MGA: variants seen among roughly 807,000 people sequenced by gnomAD.
MGA encodes MAX gene-associated protein.
MGA carries 40 observed loss-of-function variants against 261.1 expected under a neutral mutation model. That is an observed-to-expected ratio of 0.15 (90% CI 0.12 to 0.20). MGA has a LOEUF of 0.20. Ranked by LOEUF, MGA falls within the 10% of genes least tolerant of loss-of-function variation. MGA has a pLI of 1.00. For synonymous variants in MGA, 1,302 were observed against 1,290.6 expected (o/e 1.01, Z -0.19); for missense variants, 3,397 against 3,630.5 (o/e 0.94, Z 1.65).
In MGA at chr15:41,709,891, G is replaced by A. The variant is rs1267966761; in HGVS notation, c.2426-800G>A. Among the ~76,000 whole-genome samples, 4 of 148,988 alleles carry A rather than the reference G, an allele frequency of 2.7e-5. No homozygotes were observed. In the East Asian group the frequency reaches 5.9e-4, roughly 22 times the overall value. On this transcript the variant is annotated intron_variant, in intron 7 of 23. Coordinates refer to ENST00000219905, the MANE Select transcript of MGA (RefSeq NM_001164273.2). ...AGCTGGAGTGCAGTGGCGTGATCTCGGCTCACCGCAACCTCCCCGTCTCGG... is the reference window on the plus strand; with the variant it reads ...AGCTGGAGTGCAGTGGCGTGATCTCAGCTCACCGCAACCTCCCCGTCTCGG...
At chr15:41,702,494 T>C (rs1466058567) in intron 5 of MGA, among the ~76,000 whole-genome samples, 1 of 152,258 alleles carries the variant, frequency 6.6e-6, no homozygotes, top group Non-Finnish European at 1.5e-5. Context: ...TTCAACTTAA[T>C]GTCATATTTC....
intron 1 of MGA, among the ~76,000 whole-genome samples, chr15:41,650,218 C>T (rs765370858): frequency 2.6e-5 from 4 of 152,102 alleles, no homozygotes; most frequent in African/African-American, 4.8e-5. Context: ...CTTTGCGTTC[C>T]AGGATATGTA....
At chr15:41,662,231 T>G (rs958649279) in intron 1 of MGA, among the ~76,000 whole-genome samples, 2 of 152,212 alleles carry the variant, frequency 1.3e-5, no homozygotes, top group African/African-American at 4.8e-5. Context: ...CTTGGCATAC[T>G]TACTTCAAGT....
rs758543910 is a variant in MGA at position 41,748,763 on chromosome 15, C to T, written c.5339C>T (p.Thr1780Ile). 5 of 1,613,820 alleles carry T rather than the reference C, an allele frequency of 3.1e-6. No individual in the cohort carries two copies. Among genetic ancestry groups the T allele is most frequent in the Non-Finnish European group, 3.4e-6 (4 of 1,179,898 alleles). The change falls in exon 16 of 24, where the codon ACA (threonine) becomes ATA (isoleucine). Residue 1780 changes from threonine (T) to isoleucine (I), a missense_variant. By Grantham distance (89) the Thr-to-Ile change is moderately conservative. This residue lies in a region of MGA where 1,410 missense variants were observed against 1,386.4 expected (regional missense o/e 1.02). Transcript: ENST00000219905. ...CCTACTCTTAGACCTGTCTCAAACACACAACTTCAGGGACATCGGATGGTC... is the reference window on the plus strand; with the variant it reads ...CCTACTCTTAGACCTGTCTCAAACATACAACTTCAGGGACATCGGATGGTC...
In MGA at chr15:41,734,585, A is replaced by G; in HGVS notation, c.3907A>G (p.Lys1303Glu). 1 of 1,597,272 alleles carries G rather than the reference A, an allele frequency of 6.3e-7. No homozygotes were observed. The highest frequency in any genetic ancestry group is 8.6e-7 in the Non-Finnish European group (1 of 1,168,922). ...CTGTGACTTGGAGGATGATTCTGAT[A>G]AATTACAAGGTCAGAATGAAAACTA... Residue 1303 changes from lysine (K) to glutamate (E), a missense_variant, in exon 12 of 24, where the codon AAA becomes GAA. Physicochemically the swap from Lys to Glu is moderately conservative, Grantham distance 56 (BLOSUM62 1). Transcript: ENST00000219905.
chr15:41,718,481 A>T (rs1483709470), intron 9 of MGA: 1 of 711,832 alleles, frequency 1.4e-6, no homozygotes, highest in Non-Finnish European at 2.5e-6. Flanking sequence ...GTGAGTCCAC[A>T]GCTTTCTGAT....
chr15:41,750,163 T>C lies in MGA; in HGVS notation c.6556T>C (p.Cys2186Arg). 8 of 1,613,864 alleles carry C rather than the reference T, an allele frequency of 5.0e-6. No homozygotes were observed. The highest frequency in any genetic ancestry group is 6.8e-6 in the Non-Finnish European group (8 of 1,179,868). ...TCTGAAGGGCCCCTTAACCAGGAAA[T>C]GTGTTGGAGCTTCACAGGAATGTAA... Residue 2186 changes from cysteine (C) to arginine (R), a missense_variant, in exon 17 of 24, where the codon TGT (cysteine) becomes CGT (arginine). By Grantham distance (180) the Cys-to-Arg change is radical. Around this residue, in one of 9 missense-constraint regions of MGA, gnomAD observed 1,410 missense variants for 1,386.4 expected, o/e 1.02. Transcript: ENST00000219905.
chr15:41,743,073 G>T lies in MGA; in HGVS notation c.5113G>T (p.Ala1705Ser), dbSNP rs1395166796. The change falls in exon 15 of 24, where the codon GCA becomes TCA. Residue 1705 changes from alanine (A) to serine (S), a missense_variant. By Grantham distance (99) the Ala-to-Ser change is moderately conservative. Around this residue, in one of 9 missense-constraint regions of MGA, gnomAD observed 1,410 missense variants for 1,386.4 expected, o/e 1.02. Coordinates refer to ENST00000219905, the MANE Select transcript of MGA (RefSeq NM_001164273.2). ...CTCCTTAGTCGTGGTGACTGCAGCT[G>T]CATCTTCCTCCATGGTGACCACACC... 1 of 1,613,998 alleles carries T rather than the reference G, an allele frequency of 6.2e-7. No homozygotes were observed. The highest frequency in any genetic ancestry group is 8.5e-7 in the Non-Finnish European group (1 of 1,179,882).
At chr15:41,695,933 AGTTTTTGAGT>A (rs2059532663) in intron 2 of MGA, 132 bp from the exon 3 acceptor site, 2 of 616,332 alleles carry the variant, frequency 3.2e-6, no homozygotes, top group Non-Finnish European at 5.4e-6. Context: ...GGATTTTTAG[AGTTTTTGAGT>A]GTTTTTGAGG....
chr15:41,727,620 C>A (rs956890308), intron 10 of MGA, among the ~76,000 whole-genome samples: 1 of 152,110 alleles, frequency 6.6e-6, no homozygotes, highest in Non-Finnish European at 1.5e-5. Context: ...TAAAAAATAA[C>A]CATCTTCAAG....
At chr15:41,676,601 G>T (rs935419505) in intron 2 of MGA, among the ~76,000 whole-genome samples, 1 of 152,116 alleles carries the variant, frequency 6.6e-6, no homozygotes, top group African/African-American at 2.4e-5. Context: ...TTTTTAAGGG[G>T]TGTATTAGTA....
intron 11 of MGA, among the ~76,000 whole-genome samples, chr15:41,732,150 C>CTT (rs934455098): frequency 3.5e-5 from 5 of 141,062 alleles, no homozygotes; most frequent in African/African-American, 5.2e-5. Flanking sequence ...TTTTGTTATC[C>CTT]TTTTTTTTTT....
chr15:41,668,690 C>A, intron 1 of MGA, 138 bp from the exon 2 acceptor site: 2 of 425,244 alleles, frequency 4.7e-6, no homozygotes, highest in Non-Finnish European at 8.3e-6. Flanking sequence ...GAAAGAAAAG[C>A]TTAGAAGCAA....
intron 1 of MGA, among the ~76,000 whole-genome samples, chr15:41,643,779 T>TC (rs756269647): frequency 6.6e-6 from 1 of 150,562 alleles, no homozygotes; most frequent in Non-Finnish European, 1.5e-5. Context: ...TTTTTTTTTT[T>TC]CCCTGAGATG....
At chr15:41,624,168 A>G (rs1382096416) in intron 1 of MGA, among the ~76,000 whole-genome samples, 1 of 151,044 alleles carries the variant, frequency 6.6e-6, no homozygotes, top group Non-Finnish European at 1.5e-5. Flanking sequence ...GGATTCAAGC[A>G]GTTCTCCTGC....
At chr15:41,656,599 G>C (rs1032978532), upstream of MGA, among the ~76,000 whole-genome samples, 2 of 151,706 alleles carry the variant, frequency 1.3e-5, no homozygotes, top group Non-Finnish European at 2.9e-5. Context: ...AGCTCAAACA[G>C]TCCGTCCCAC....
At chr15:41,701,345 G>C (rs573907994) in intron 5 of MGA, among the ~76,000 whole-genome samples, 11 of 152,122 alleles carry the variant, frequency 7.2e-5, no homozygotes, top group Admixed American at 2.6e-4. Flanking sequence ...CTTAGTTCTA[G>C]AGTTAAATAT....
At chr15:41,752,749 G>A (rs1276268664) in intron 17 of MGA, among the ~76,000 whole-genome samples, 6 of 151,750 alleles carry the variant, frequency 4.0e-5, no homozygotes. Context: ...GTAAAGACAG[G>A]GTTTCACCAT....
At chr15:41,678,422 G>A (rs2058495700) in intron 2 of MGA, among the ~76,000 whole-genome samples, 1 of 151,254 alleles carries the variant, frequency 6.6e-6, no homozygotes, top group Admixed American at 6.6e-5. Flanking sequence ...TAAGGCTTCA[G>A]CTTCATTCTT....
Sources: allele counts gnomAD v4.1 joint callset (sites outside exome capture counted in the v4.1 genomes callset), GRCh38; gene constraint gnomAD v4.1.1; regional missense constraint gnomAD v4.1.1; transcripts MANE v1.5; gene names NCBI Gene and HGNC (gene_info 2026-07-23, HGNC 2026-07-21).